The following ZFHX3 variants were observed in gnomAD, a reference collection of about 807,000 sequenced individuals.
The protein encoded by ZFHX3 is zinc finger homeobox protein 3.
ZFHX3 carries 42 observed loss-of-function variants against 279.1 expected under a neutral mutation model. The observed-to-expected ratio is 0.15, with a 90% CI of 0.12 to 0.19. The LOEUF is 0.19. Ranked by LOEUF, ZFHX3 falls within the 10% of genes least tolerant of loss-of-function variation. The probability of loss-of-function intolerance (pLI) is 1.00; values close to 1 mark genes in which losing one functional copy is unlikely to be tolerated. For missense variants in ZFHX3, 4,981 were observed against 4,754.0 expected, an observed-to-expected ratio of 1.05 and a Z score of -1.40; for synonymous variants, 2,293 against 1,957.8, an observed-to-expected ratio of 1.17 and a Z score of -4.52.
At chr16:73,177,524 C>G (rs1967691611) in intron 5 of ZFHX3, among the ~76,000 whole-genome samples, 1 of 152,180 alleles carries the variant, frequency 6.6e-6, no homozygotes, top group Non-Finnish European at 1.5e-5. Context: ...ACATAGGTAT[C>G]CCTACTTTAA....
intron 4 of ZFHX3, among the ~76,000 whole-genome samples, chr16:73,284,210 A>T (rs1567439557): frequency 6.7e-6 from 1 of 149,702 alleles, no homozygotes; most frequent in Non-Finnish European, 1.5e-5. Flanking sequence ...CCAGCTACAC[A>T]GGAGGCTAAG....
At chr16:73,275,993 A>G (rs1597256937) in intron 4 of ZFHX3, among the ~76,000 whole-genome samples, 1 of 150,580 alleles carries the variant, frequency 6.6e-6, no homozygotes, top group Non-Finnish European at 1.5e-5. Context: ...ATGGGGGGGG[A>G]CAGGGAAGGA....
At chr16:72,870,303 G>A (rs1258059908) in intron 4 of ZFHX3, among the ~76,000 whole-genome samples, 2 of 151,810 alleles carry the variant, frequency 1.3e-5, no homozygotes, top group African/African-American at 4.8e-5. Context: ...GAGGTGGGAG[G>A]ATCACTTGAG....
intron 1 of ZFHX3, among the ~76,000 whole-genome samples, chr16:73,026,969 C>T (rs1280373461): frequency 3.9e-5 from 6 of 152,218 alleles, no homozygotes. Flanking sequence ...CTATTTCAGG[C>T]CTTGCAGGCC....
At chr16:73,808,762 A>G (rs1316704006) in intron 1 of ZFHX3, among the ~76,000 whole-genome samples, 1 of 152,110 alleles carries the variant, frequency 6.6e-6, no homozygotes, top group African/African-American at 2.4e-5. Flanking sequence ...GAGCTAGAGG[A>G]ACAACTTAGA....
intron 6 of ZFHX3, among the ~76,000 whole-genome samples, chr16:73,140,551 T>G (rs1311565380): frequency 6.6e-6 from 1 of 152,036 alleles, no homozygotes; most frequent in Non-Finnish European, 1.5e-5. Context: ...TCTCAACCTT[T>G]TCATACCTGA....
Position 72,981,048 on chromosome 16 carries a change from C to T in ZFHX3, c.-49-20854G>A, listed in dbSNP as rs189974937. On this transcript the variant is annotated intron_variant, in intron 1 of 9. Coordinates refer to ENST00000268489, the MANE Select transcript of ZFHX3 (RefSeq NM_006885.4). ...CAAGAGATTCAGTCTTGAGTCAATA[C>T]GTTCATGGCAAGCCAAGCCTTTTTT... Among the ~76,000 whole-genome samples, 34 of 152,168 alleles carry T rather than the reference C, an allele frequency of 2.2e-4. No homozygotes were observed. The East Asian group carries it at 3.1e-3, about 14-fold the overall frequency.
intron 5 of ZFHX3, among the ~76,000 whole-genome samples, chr16:72,814,658 T>A (rs1176328458): frequency 6.6e-6 from 1 of 151,842 alleles, no homozygotes; most frequent in Non-Finnish European, 1.5e-5. Flanking sequence ...TTCTAAAGCT[T>A]CTTTTGTGAG....
At chr16:73,579,506 C>CTT (rs1221002384) in intron 2 of ZFHX3, among the ~76,000 whole-genome samples, 2 of 144,956 alleles carry the variant, frequency 1.4e-5, no homozygotes, top group South Asian at 2.2e-4. Context: ...TTATTATAAT[C>CTT]TTTTTTTTTT....
intron 4 of ZFHX3, among the ~76,000 whole-genome samples, chr16:73,282,269 G>T (rs962958993): frequency 6.6e-6 from 1 of 152,146 alleles, no homozygotes; most frequent in East Asian, 1.9e-4. Flanking sequence ...TGGAAGGATG[G>T]TGATCCTTTG....
intron 2 of ZFHX3, chr16:73,554,332 C>A (rs1318738577): frequency 3.3e-5 from 5 of 152,082 alleles, no homozygotes; most frequent in Admixed American, 2.6e-4. Flanking sequence ...GCAGCCATTT[C>A]TTTACTCTGG....
At chr16:73,494,921 TCTTAC>T (rs747879094) in intron 2 of ZFHX3, among the ~76,000 whole-genome samples, 3 of 151,718 alleles carry the variant, frequency 2.0e-5, no homozygotes, top group Non-Finnish European at 4.4e-5. Flanking sequence ...CCACTCAGAG[TCTTAC>T]AGGAATGACT....
At chr16:73,204,519 A>T (rs559893086) in intron 5 of ZFHX3, among the ~76,000 whole-genome samples, 45 of 152,278 alleles carry the variant, frequency 3.0e-4, no homozygotes, top group African/African-American at 1.0e-3. Flanking sequence ...TTGTGACAGG[A>T]GGCGGAGCCC....
chr16:73,417,986 C>G (rs1243692370), intron 3 of ZFHX3, among the ~76,000 whole-genome samples: 1 of 48,030 alleles, frequency 2.1e-5, no homozygotes, highest in Non-Finnish European at 3.3e-5. Flanking sequence ...GAGACTCCAT[C>G]TCAAAAAAAA....
chr16:73,414,414 T>C (rs1290112025), intron 3 of ZFHX3, among the ~76,000 whole-genome samples: 1 of 152,368 alleles, frequency 6.6e-6, no homozygotes, highest in East Asian at 1.9e-4. Context: ...AACTTACAGT[T>C]TAATCAGTAA....
chr16:73,008,813 C>G (rs1369786355), intron 1 of ZFHX3, among the ~76,000 whole-genome samples: 2 of 152,024 alleles, frequency 1.3e-5, no homozygotes, highest in Non-Finnish European at 2.9e-5. Context: ...ATGATTACAT[C>G]TGTGACTAAA....
At chr16:73,245,804 TA>T (rs1244874642) in intron 5 of ZFHX3, among the ~76,000 whole-genome samples, 1 of 152,146 alleles carries the variant, frequency 6.6e-6, no homozygotes, top group Non-Finnish European at 1.5e-5. Context: ...TCAACTACTT[TA>T]AACTCTTAGT....
intron 5 of ZFHX3, among the ~76,000 whole-genome samples, chr16:73,243,666 GT>G (rs1287621976): frequency 1.3e-5 from 2 of 152,056 alleles, no homozygotes; most frequent in Non-Finnish European, 2.9e-5. Context: ...TTTCATCGGG[GT>G]TTTGCTTCAG....
chr16:73,518,694 G>A (rs1432960325), intron 2 of ZFHX3, among the ~76,000 whole-genome samples: 8 of 151,962 alleles, frequency 5.3e-5, no homozygotes, highest in African/African-American at 1.9e-4. Context: ...AGGTTTTGCC[G>A]AAAGAAAAAA....
Sources: allele counts gnomAD v4.1 joint callset (sites outside exome capture counted in the v4.1 genomes callset), GRCh38; gene constraint gnomAD v4.1.1; transcripts MANE v1.5; gene names NCBI Gene and HGNC (gene_info 2026-07-23, HGNC 2026-07-21).